Variants in FMN1 observed in about 807,000 individuals in gnomAD.
FMN1 encodes the protein formin 1.
Under a neutral mutation model 132.4 loss-of-function variants are expected in FMN1, and 110 were observed. That is an observed-to-expected ratio of 0.83 (90% CI 0.71 to 0.97). The LOEUF is 0.97. FMN1 is among the 50% of genes least tolerant of loss of function. The pLI is 0.00. For synonymous variants in FMN1, 722 were observed against 651.7 expected, an observed-to-expected ratio of 1.11 and a Z score of -1.64; for missense variants, 1,792 against 1,705.3, an observed-to-expected ratio of 1.05 and a Z score of -0.90.
intron 17 of FMN1, among the ~76,000 whole-genome samples, chr15:32,815,240 C>G (rs927274147): frequency 1.3e-5 from 2 of 152,222 alleles, no homozygotes; most frequent in African/African-American, 4.8e-5. Context: ...TCGCGCCCGG[C>G]CTGCATGTTT....
chr15:32,895,926 G>A (rs552510579), intron 15 of FMN1, among the ~76,000 whole-genome samples: 101 of 152,132 alleles, frequency 6.6e-4, no homozygotes, highest in Non-Finnish European at 1.1e-3. Flanking sequence ...TATGGTTTGT[G>A]TCTTAGACTG....
chr15:32,884,373 T>C lies in FMN1; in HGVS notation c.3835+3799A>G, dbSNP rs956307171. ...CCTCCATCTTCAAAGCCAGCGACAT[T>C]ACATCTCTCTGATCATTCTTACGTC... On this transcript the variant is annotated intron_variant, in intron 16 of 20. Transcript: ENST00000616417. Among the ~76,000 whole-genome samples the C allele has an allele frequency of 2.0e-5, 3 of 152,276 alleles. No individual in the cohort carries two copies. In the South Asian group the frequency reaches 6.2e-4, roughly 32 times the overall value.
intron 9 of FMN1, among the ~76,000 whole-genome samples, chr15:32,938,099 T>C (rs1359870529): frequency 2.0e-5 from 3 of 152,094 alleles, no homozygotes; most frequent in South Asian, 2.1e-4. Context: ...TGTTGCACTT[T>C]TTTTTTTCAC....
At position 32,777,641 on chromosome 15, in the gene FMN1, A is replaced by ATAACACATTTATATATTACGTATAACG. The variant is rs1491183561; in HGVS notation, c.4131-723_4131-722insCGTTATACGTAATATATAAATGTGTTA. ...AACACATTTATATATTACGTATAAC[A>ATAACACATTTATATATTACGTATAACG]TAACACATTTATATATTACGTATAA... On this transcript the variant is annotated intron_variant, in intron 19 of 20. Coordinates refer to ENST00000616417, the MANE Select transcript of FMN1 (RefSeq NM_001277313.2). Among the ~76,000 whole-genome samples, 22 of 134,890 alleles carry ATAACACATTTATATATTACGTATAACG rather than the reference A, an allele frequency of 1.6e-4. 3 individuals carry two copies. Among genetic ancestry groups the ATAACACATTTATATATTACGTATAACG allele is most frequent in the Non-Finnish European group, 3.3e-4 (21 of 63,374 alleles). The allele number at this position is 134,890 out of a possible 152,430, so 88.5% of individuals were successfully genotyped here. A position where few individuals can be genotyped will look rare whatever the true frequency, so the allele number is the denominator to read the frequency against.
chr15:33,059,972 G>A (rs1040676201), intron 6 of FMN1, among the ~76,000 whole-genome samples: 8 of 152,186 alleles, frequency 5.3e-5, no homozygotes, highest in African/African-American at 1.4e-4. Flanking sequence ...CTCCTCTAGA[G>A]CTCCCAGCTG....
chr15:33,158,962 G>A (rs112669428), intron 3 of FMN1, among the ~76,000 whole-genome samples: 7,189 of 152,168 alleles, frequency 0.047, 601 homozygotes, highest in African/African-American at 0.17. Context: ...TGAGGTGGGT[G>A]GATCACTTGA....
chr15:33,088,988 G>A lies in FMN1; in HGVS notation c.1868-14C>T. ...CAGAGGAGATACCTAAACAAACACA[G>A]AGAAGGCCATCAGTGACATGGCAGC... On this transcript the variant is annotated splice_polypyrimidine_tract_variant and intron_variant, in intron 4 of 20. Transcript: ENST00000616417. The A allele has an allele frequency of 6.6e-7, 1 of 1,524,738 alleles. No homozygotes were observed. 94.5% of individuals were successfully genotyped at this position (1,524,738 alleles called of 1,614,324 possible). A position where few individuals can be genotyped will look rare whatever the true frequency, so the allele number is the denominator to read the frequency against.
chr15:32,880,015 T>C (rs780013024), intron 16 of FMN1, among the ~76,000 whole-genome samples: 3 of 152,152 alleles, frequency 2.0e-5, no homozygotes, highest in Non-Finnish European at 4.4e-5. Context: ...ATGTGATTAT[T>C]TGGTGCTTAG....
chr15:33,133,416 G>A (rs1963631955), intron 4 of FMN1, among the ~76,000 whole-genome samples: 1 of 152,204 alleles, frequency 6.6e-6, no homozygotes, highest in South Asian at 2.1e-4. Flanking sequence ...ATGGTTCTCT[G>A]TAAATGGCTG....
chr15:32,990,241 A>G (rs900055754), intron 7 of FMN1, among the ~76,000 whole-genome samples: 1 of 152,128 alleles, frequency 6.6e-6, no homozygotes, highest in African/African-American at 2.4e-5. Context: ...CAGGTGACTA[A>G]CCAGCCACAA....
At chr15:32,822,927 T>C (rs1316179986) in intron 17 of FMN1, among the ~76,000 whole-genome samples, 1 of 152,128 alleles carries the variant, frequency 6.6e-6, no homozygotes, top group Non-Finnish European at 1.5e-5. Flanking sequence ...CCTCTGTTGT[T>C]GATTCTGGAC....
At chr15:33,115,514 G>GCA (rs2039890169) in intron 4 of FMN1, among the ~76,000 whole-genome samples, 1 of 125,250 alleles carries the variant, frequency 8.0e-6, no homozygotes, top group Admixed American at 8.1e-5. Flanking sequence ...ACACACACAC[G>GCA]CACACACACA....
intron 9 of FMN1, among the ~76,000 whole-genome samples, chr15:32,933,911 C>A (rs1303467143): frequency 6.6e-6 from 1 of 151,954 alleles, no homozygotes; most frequent in Non-Finnish European, 1.5e-5. Context: ...GCATATAGTT[C>A]CATCTTTTTT....
intron 17 of FMN1, among the ~76,000 whole-genome samples, chr15:32,841,427 CTATATTTT>C (rs1316286076): frequency 1.4e-4 from 21 of 152,052 alleles, no homozygotes; most frequent in African/African-American, 4.1e-4. Flanking sequence ...GGTTTCTTAT[CTATATTTT>C]TGGGAACATA....
intron 6 of FMN1, among the ~76,000 whole-genome samples, chr15:33,045,624 T>C (rs1039427722): frequency 6.6e-6 from 1 of 152,200 alleles, no homozygotes; most frequent in Admixed American, 6.5e-5. Flanking sequence ...TGACAGAAAC[T>C]GGACTGGGTC....
intron 4 of FMN1, among the ~76,000 whole-genome samples, chr15:33,137,929 G>T (rs963873862): frequency 8.5e-5 from 13 of 152,160 alleles, no homozygotes; most frequent in Admixed American, 3.3e-4. Flanking sequence ...CTTATTAGCT[G>T]GGTGACATGG....
At chr15:33,043,575 T>C (rs1489913691) in intron 6 of FMN1, among the ~76,000 whole-genome samples, 1 of 152,250 alleles carries the variant, frequency 6.6e-6, no homozygotes, top group African/African-American at 2.4e-5. Flanking sequence ...CCTTTAACTT[T>C]AATTTGGCTG....
At chr15:32,861,760 T>C (rs1480901344) in intron 16 of FMN1, among the ~76,000 whole-genome samples, 1 of 152,158 alleles carries the variant, frequency 6.6e-6, no homozygotes, top group East Asian at 1.9e-4. Context: ...ATAGGGATAA[T>C]GATTTTCATT....
At chr15:33,161,224 C>T (rs984914779) in intron 3 of FMN1, among the ~76,000 whole-genome samples, 6 of 152,158 alleles carry the variant, frequency 3.9e-5, no homozygotes, top group Non-Finnish European at 8.8e-5. Flanking sequence ...CACACTCTAC[C>T]TTTCACACCC....
Sources: gnomAD v4.1 joint callset for allele counts (sites outside exome capture counted in the v4.1 genomes callset) on GRCh38, gnomAD v4.1.1 for gene constraint, MANE v1.5 for transcripts, NCBI Gene and HGNC (gene_info 2026-07-23, HGNC 2026-07-21) for gene names.